PDE3A: variants seen among roughly 807,000 people sequenced by gnomAD.
PDE3A encodes the protein phosphodiesterase 3A.
Under a neutral mutation model 98.3 loss-of-function variants are expected in PDE3A, and 43 were observed. The ratio of observed to expected loss-of-function variants is 0.44; its 90% CI spans 0.34 to 0.56. PDE3A has a LOEUF of 0.56. Ranked by LOEUF, PDE3A falls within the 20% of genes least tolerant of loss-of-function variation. The pLI, the probability that PDE3A is intolerant of heterozygous loss-of-function variation, is 0.01. For synonymous variants in PDE3A, 663 were observed against 567.9 expected, an observed-to-expected ratio of 1.17 and a Z score of -2.38; for missense variants, 1,427 against 1,440.7, an observed-to-expected ratio of 0.99 and a Z score of 0.15.
intron 1 of PDE3A, among the ~76,000 whole-genome samples, chr12:20,501,933 A>T (rs1946033247): frequency 1.3e-5 from 2 of 152,184 alleles, no homozygotes. Flanking sequence ...ATACAGACTC[A>T]TTCTGATTTT....
chr12:20,399,386 G>T lies in PDE3A; in HGVS notation c.960+29142G>T, dbSNP rs928461993. Among the ~76,000 whole-genome samples, 6 of 152,204 alleles carry T rather than the reference G, an allele frequency of 3.9e-5. No individual in the cohort carries two copies. The East Asian group carries it at 1.2e-3, about 29-fold the overall frequency. On this transcript the variant is annotated intron_variant, in intron 1 of 15. Coordinates refer to ENST00000359062, the MANE Select transcript of PDE3A (RefSeq NM_000921.5). ...AAAGGAGCTGCAGCAAATGTGGGTG[G>T]TTTTACTGCATTTTAAAAACTAGAA...
intron 15 of PDE3A, among the ~76,000 whole-genome samples, chr12:20,679,471 T>G (rs1945716966): frequency 6.6e-6 from 1 of 152,078 alleles, no homozygotes; most frequent in Non-Finnish European, 1.5e-5. Context: ...ATGGTCTCAA[T>G]CTCCTGAGCT....
At chr12:20,590,497 G>A (rs1943311170) in intron 2 of PDE3A, among the ~76,000 whole-genome samples, 1 of 150,714 alleles carries the variant, frequency 6.6e-6, no homozygotes, top group Non-Finnish European at 1.5e-5. Context: ...AACTCAAGCT[G>A]GGTGTGGTGG....
chr12:20,590,747 G>A (rs1180355201), intron 2 of PDE3A, among the ~76,000 whole-genome samples: 1 of 152,126 alleles, frequency 6.6e-6, no homozygotes, highest in Non-Finnish European at 1.5e-5. Flanking sequence ...ACCCTAGACA[G>A]TACAAAGATA....
At chr12:20,421,022 G>T (rs1944503461) in intron 1 of PDE3A, among the ~76,000 whole-genome samples, 1 of 152,026 alleles carries the variant, frequency 6.6e-6, no homozygotes, top group Non-Finnish European at 1.5e-5. Flanking sequence ...GATCATTAGA[G>T]GTATTTAAGA....
At chr12:20,534,643 C>A (rs1462533241) in intron 1 of PDE3A, among the ~76,000 whole-genome samples, 1 of 152,142 alleles carries the variant, frequency 6.6e-6, no homozygotes, top group African/African-American at 2.4e-5. Flanking sequence ...CCTTTGGACA[C>A]ATTTTCTGGC....
intron 3 of PDE3A, among the ~76,000 whole-genome samples, chr12:20,615,380 A>G (rs1041515735): frequency 1.1e-4 from 17 of 152,184 alleles, no homozygotes; most frequent in African/African-American, 3.9e-4. Context: ...AGGAGTTGAC[A>G]CTGATGACAT....
chr12:20,612,410 TG>T (rs1943881735), intron 2 of PDE3A, among the ~76,000 whole-genome samples: 1 of 151,488 alleles, frequency 6.6e-6, no homozygotes, highest in African/African-American at 2.4e-5. Context: ...CCTTTGCTTA[TG>T]GTATATTTTC....
intron 8 of PDE3A, 133 bp downstream of exon 8, chr12:20,635,189 A>AG (rs1178776583): frequency 1.1e-5 from 8 of 716,338 alleles, no homozygotes; most frequent in Middle Eastern, 2.6e-4. Context: ...GGGAGGACGA[A>AG]GCGGGCAGAT....
At chr12:20,371,533 T>C (rs1943475711) in intron 1 of PDE3A, 1 of 854,118 alleles carries the variant, frequency 1.2e-6, no homozygotes, top group Non-Finnish European at 1.4e-6. Context: ...TTCTAAGAAA[T>C]AGCAGTCACC....
In PDE3A at chr12:20,422,726, T is replaced by G. The variant is rs150641304; in HGVS notation, c.960+52482T>G. Among the ~76,000 whole-genome samples, 723 of 152,326 alleles carry G rather than the reference T, an allele frequency of 4.7e-3. 4 individuals are homozygous for G. Among genetic ancestry groups the G allele is most frequent in the Non-Finnish European group, 6.3e-3 (432 of 68,034 alleles). On this transcript the variant is annotated intron_variant, in intron 1 of 15. Coordinates refer to ENST00000359062, the MANE Select transcript of PDE3A (RefSeq NM_000921.5). ...CATTCTTCCAAGAAAATAGGCAAATTTTGTTAAACAGCCCCAAAGGTAAAT... is the reference window on the plus strand; with the variant it reads ...CATTCTTCCAAGAAAATAGGCAAATGTTGTTAAACAGCCCCAAAGGTAAAT...
chr12:20,502,387 C>T (rs193149763), intron 1 of PDE3A, among the ~76,000 whole-genome samples: 7 of 152,266 alleles, frequency 4.6e-5, no homozygotes, highest in Admixed American at 1.3e-4. Context: ...AATGAATCCC[C>T]GCTACCTAGA....
chr12:20,621,171 T>A, intron 4 of PDE3A, 125 bp from the exon 5 acceptor site: 1 of 633,276 alleles, frequency 1.6e-6, no homozygotes, highest in African/African-American at 1.8e-5. Context: ...TCACTGAACC[T>A]GAACCAATAC....
At chr12:20,383,377 G>C (rs1158253759) in intron 1 of PDE3A, among the ~76,000 whole-genome samples, 1 of 151,868 alleles carries the variant, frequency 6.6e-6, no homozygotes, top group Admixed American at 6.6e-5. Flanking sequence ...TCAAATGACA[G>C]GGACTTTCTG....
intron 1 of PDE3A, among the ~76,000 whole-genome samples, chr12:20,453,743 C>G (rs183427293): frequency 1.3e-5 from 2 of 152,112 alleles, no homozygotes; most frequent in East Asian, 1.9e-4. Context: ...CCAGTTGCTC[C>G]GAGTCTCCCT....
chr12:20,419,689 T>C (rs1944479300), intron 1 of PDE3A, among the ~76,000 whole-genome samples: 1 of 151,406 alleles, frequency 6.6e-6, no homozygotes, highest in Admixed American at 6.6e-5. Context: ...ACTTAATAAA[T>C]AATTTATTTT....
At chr12:20,448,406 A>G (rs748768576) in intron 1 of PDE3A, among the ~76,000 whole-genome samples, 1 of 152,174 alleles carries the variant, frequency 6.6e-6, no homozygotes, top group Non-Finnish European at 1.5e-5. Context: ...GCGTCAATGC[A>G]CAACAGCCTG....
chr12:20,556,852 A>ATAAT, intron 2 of PDE3A, 142 bp downstream of exon 2: 1 of 693,782 alleles, frequency 1.4e-6, no homozygotes. Context: ...TAAGTTAACT[A>ATAAT]TAATTAAAGT....
At chr12:20,393,315 A>G (rs1336931974) in intron 1 of PDE3A, among the ~76,000 whole-genome samples, 1 of 151,922 alleles carries the variant, frequency 6.6e-6, no homozygotes, top group Non-Finnish European at 1.5e-5. Context: ...AAAGACAGAG[A>G]GCCAAGAGAA....
Sources: allele counts gnomAD v4.1 joint callset (sites outside exome capture counted in the v4.1 genomes callset), GRCh38; gene constraint gnomAD v4.1.1; transcripts MANE v1.5; gene names NCBI Gene and HGNC (gene_info 2026-07-23, HGNC 2026-07-21).